The following WWOX variants were observed in gnomAD, a reference collection of about 807,000 sequenced individuals.
WWOX encodes WW domain-containing oxidoreductase.
A neutral mutation model predicts 46.2 loss-of-function variants in WWOX; 69 were observed. The ratio of observed to expected loss-of-function variants is 1.49; its 90% CI spans 1.23 to 1.82. The LOEUF (loss-of-function observed/expected upper bound fraction) is 1.82, where lower values mean the gene tolerates loss of function less well. Among genes scored for constraint, WWOX ranks in the 40% most tolerant of loss-of-function variants. WWOX has a pLI of 0.00. For synonymous variants in WWOX, 359 were observed against 202.6 expected (o/e 1.77, Z -6.56); for missense variants, 919 against 542.6 (o/e 1.69, Z -6.89).
chr16:78,970,119 C>T (rs866555611), intron 8 of WWOX, among the ~76,000 whole-genome samples: 7 of 152,152 alleles, frequency 4.6e-5, no homozygotes, highest in African/African-American at 1.7e-4. Context: ...GACAGGAACC[C>T]AGATGTGGCC....
At chr16:78,851,284 C>T (rs2052436905) in intron 8 of WWOX, among the ~76,000 whole-genome samples, 1 of 152,166 alleles carries the variant, frequency 6.6e-6, no homozygotes, top group Non-Finnish European at 1.5e-5. Context: ...TAATTTTCAA[C>T]AGGAGCTATA....
rs2033848923 is a variant in WWOX at position 78,137,740 on chromosome 16, A to C, written c.409+22586A>C. On this transcript the variant is annotated intron_variant, in intron 4 of 8. Transcript: ENST00000566780. ...TGTTCCACTTTGGGAGTTTGATAAA[A>C]ATTGGCCTGTTTTATTTGACAGCTC... 3.3e-5 allele frequency among the ~76,000 whole-genome samples: 5 copies of C among 152,150 alleles called. 1 individual carries two copies.
At chr16:78,443,988 G>T (rs943701418) in intron 8 of WWOX, among the ~76,000 whole-genome samples, 1 of 152,132 alleles carries the variant, frequency 6.6e-6, no homozygotes, top group African/African-American at 2.4e-5. Context: ...TCTGTGAACA[G>T]TGATTTTTGT....
chr16:79,211,848 A>C lies in WWOX; in HGVS notation c.*52A>C. On this transcript the variant is annotated 3_prime_UTR_variant, in exon 9 of 9. Transcript: ENST00000566780. Reference sequence around the variant, plus strand: ...ACACCCGCCCTGTGTGTGTCCCCTCACGCAAGTGCCAGGGCTGGGCCCCTT... The same window carrying C: ...ACACCCGCCCTGTGTGTGTCCCCTCCCGCAAGTGCCAGGGCTGGGCCCCTT... The C allele has an allele frequency of 1.2e-6, 2 of 1,610,026 alleles. No homozygotes were observed. The highest frequency in any genetic ancestry group is 1.7e-6 in the Non-Finnish European group (2 of 1,178,620).
chr16:78,214,056 C>T (rs1054236575), intron 5 of WWOX, among the ~76,000 whole-genome samples: 1 of 152,076 alleles, frequency 6.6e-6, no homozygotes, highest in Admixed American at 6.5e-5. Flanking sequence ...GGCACCTGGC[C>T]CATCAGACTT....
At chr16:78,920,741 C>T (rs182274899) in intron 8 of WWOX, among the ~76,000 whole-genome samples, 51 of 152,250 alleles carry the variant, frequency 3.3e-4, no homozygotes, top group African/African-American at 1.2e-3. Flanking sequence ...TTATTATCAG[C>T]ACCATTTCAT....
intron 8 of WWOX, chr16:79,206,041 G>A (rs1050222181): frequency 6.6e-6 from 1 of 152,178 alleles, no homozygotes; most frequent in South Asian, 2.1e-4. Context: ...GTCACTTGCT[G>A]TTGGATCATC....
chr16:78,462,888 C>A (rs2083985686), intron 8 of WWOX, among the ~76,000 whole-genome samples: 1 of 152,204 alleles, frequency 6.6e-6, no homozygotes, highest in Non-Finnish European at 1.5e-5. Context: ...CCTGTCCTTA[C>A]TGTTTCCCTT....
chr16:78,597,768 A>G (rs200579935), intron 8 of WWOX, among the ~76,000 whole-genome samples: 3,578 of 147,308 alleles, frequency 0.024, 110 homozygotes, highest in East Asian at 0.14. Flanking sequence ...GTGTATATAT[A>G]TATATATATA....
intron 8 of WWOX, among the ~76,000 whole-genome samples, chr16:78,707,545 G>C (rs11648234): frequency 0.63 from 95,168 of 151,974 alleles, 31,530 homozygotes; most frequent in African/African-American, 0.86. Flanking sequence ...ATCAGGAACC[G>C]AAGTCAGAAA....
chr16:78,430,165 A>G (rs1597073383), intron 7 of WWOX, among the ~76,000 whole-genome samples: 1 of 152,162 alleles, frequency 6.6e-6, no homozygotes, highest in Admixed American at 6.5e-5. Context: ...GCAACAGAGT[A>G]TGTGCAGGGG....
intron 8 of WWOX, among the ~76,000 whole-genome samples, chr16:78,813,357 G>A (rs1232229063): frequency 1.3e-5 from 2 of 151,834 alleles, no homozygotes; most frequent in South Asian, 4.2e-4. Flanking sequence ...CAAGAAGCCT[G>A]CTTTTCTTGA....
chr16:78,610,057 G>A (rs1019063141), intron 8 of WWOX, among the ~76,000 whole-genome samples: 11 of 148,260 alleles, frequency 7.4e-5, no homozygotes, highest in African/African-American at 1.7e-4. Flanking sequence ...TTGCGATCTC[G>A]CTGGAAAGAC....
chr16:78,659,053 C>A (rs1363269908), intron 8 of WWOX, among the ~76,000 whole-genome samples: 1 of 150,498 alleles, frequency 6.6e-6, no homozygotes, highest in Non-Finnish European at 1.5e-5. Flanking sequence ...GATTGTGCCA[C>A]TGCACTCCAG....
At chr16:78,861,304 C>A (rs1473838639) in intron 8 of WWOX, among the ~76,000 whole-genome samples, 2 of 152,228 alleles carry the variant, frequency 1.3e-5, no homozygotes, top group Non-Finnish European at 2.9e-5. Context: ...ATGCATCCAT[C>A]CATCCACCTA....
At position 78,134,059 on chromosome 16, in the gene WWOX, A is replaced by G. The variant is rs541559548; in HGVS notation, c.409+18905A>G. On this transcript the variant is annotated intron_variant, in intron 4 of 8. Coordinates refer to ENST00000566780, the MANE Select transcript of WWOX (RefSeq NM_016373.4). ...AATTGCTTTTGTATGGTACGGCTCT[A>G]TGTGTCTGTGTTTCTCATGTTGGTT... Among the ~76,000 whole-genome samples, 7 of 152,294 alleles carry G rather than the reference A, an allele frequency of 4.6e-5. No individual in the cohort carries two copies. The East Asian group carries it at 5.8e-4, about 13-fold the overall frequency.
chr16:78,682,133 GTGTTACTGT>G (rs2047744503), intron 8 of WWOX, among the ~76,000 whole-genome samples: 1 of 152,186 alleles, frequency 6.6e-6, no homozygotes, highest in Non-Finnish European at 1.5e-5. Flanking sequence ...ATGGCCTTTG[GTGTTACTGT>G]TATTTTATTT....
chr16:78,932,533 C>T (rs2045646090), intron 8 of WWOX, among the ~76,000 whole-genome samples: 1 of 152,220 alleles, frequency 6.6e-6, no homozygotes, highest in East Asian at 1.9e-4. Flanking sequence ...GCCCTGCCGG[C>T]AGGCACACCT....
intron 8 of WWOX, among the ~76,000 whole-genome samples, chr16:78,910,318 A>G (rs770060970): frequency 1.3e-5 from 2 of 150,674 alleles, no homozygotes; most frequent in African/African-American, 4.8e-5. Context: ...TCCATCTTCC[A>G]GCATCTCTGA....
Sources: allele counts gnomAD v4.1 joint callset (sites outside exome capture counted in the v4.1 genomes callset), GRCh38; gene constraint gnomAD v4.1.1; transcripts MANE v1.5; gene names NCBI Gene and HGNC (gene_info 2026-07-23, HGNC 2026-07-21).